The following WDR3 variants were observed in gnomAD, a reference collection of about 807,000 sequenced individuals.
The protein encoded by WDR3 is WD repeat-containing protein 3.
Under a neutral mutation model 123.7 loss-of-function variants are expected in WDR3, and 81 were observed. That is an observed-to-expected ratio of 0.65 (90% CI 0.55 to 0.79). The LOEUF (loss-of-function observed/expected upper bound fraction) is 0.79. Among genes scored for constraint, WDR3 ranks in the 30% least tolerant of loss-of-function variants. The pLI, the probability that WDR3 is intolerant of heterozygous loss-of-function variation, is 0.00. For missense variants in WDR3, 1,027 were observed against 1,123.2 expected, an observed-to-expected ratio of 0.91 and a Z score of 1.22; for synonymous variants, 390 against 388.8, an observed-to-expected ratio of 1.00 and a Z score of -0.04.
chr1:117,942,881 T>C (rs1054557473), intron 10 of WDR3, among the ~76,000 whole-genome samples: 19 of 149,288 alleles, frequency 1.3e-4, no homozygotes, highest in Non-Finnish European at 2.5e-4. Context: ...AACCAGGATC[T>C]GAGCCTAGTT....
intron 14 of WDR3, 30 bp downstream of exon 14, chr1:117,949,866 T>C: frequency 6.2e-7 from 1 of 1,612,504 alleles, no homozygotes; most frequent in South Asian, 1.1e-5. Context: ...GTCCATTTTT[T>C]GGAGTGAAAA....
Position 117,954,025 on chromosome 1 carries a change from G to C in WDR3, c.2287G>C (p.Ala763Pro). 6.2e-7 allele frequency: 1 copy of C among 1,611,762 alleles called. No homozygotes were observed. Among genetic ancestry groups the C allele is most frequent in the Non-Finnish European group, 8.5e-7 (1 of 1,178,632 alleles). Residue 763 changes from alanine (A) to proline (P), a missense_variant, in exon 22 of 27, where the codon GCT (alanine) becomes CCT (proline). Physicochemically the swap from Ala to Pro is conservative, Grantham distance 27. Transcript: ENST00000349139. Reference protein sequence around the residue: ...TVKAAERIMEAIELYREETAK... With the variant: ...TVKAAERIMEPIELYREETAK... ...TCTGTAGGCTGAGAGGATTATGGAGGCTATTGAGTTGTACCGAGAAGAAAC... is the reference window on the plus strand; with the variant it reads ...TCTGTAGGCTGAGAGGATTATGGAGCCTATTGAGTTGTACCGAGAAGAAAC...
chr1:117,957,516 T>C (rs563580656), intron 25 of WDR3, among the ~76,000 whole-genome samples: 2 of 152,362 alleles, frequency 1.3e-5, no homozygotes, highest in Admixed American at 1.3e-4. Flanking sequence ...AAGATAGCTC[T>C]GGTTCTAGTC....
chr1:117,954,200 A>C, intron 22 of WDR3, 101 bp downstream of exon 22: 1 of 966,220 alleles, frequency 1.0e-6, no homozygotes, highest in Non-Finnish European at 1.5e-6. Flanking sequence ...GATATGCAAT[A>C]AATGGAATAG....
Position 117,949,845 on chromosome 1 carries a change from ACATTTTTTGTGTC to A in WDR3, c.1610+19_1610+31del. The A allele has an allele frequency of 6.2e-7, 1 of 1,613,350 alleles. No homozygotes were observed. The highest frequency in any genetic ancestry group is 8.5e-7 in the Non-Finnish European group (1 of 1,179,684). On this transcript the variant is annotated intron_variant, in intron 14 of 26. Coordinates refer to ENST00000349139, the MANE Select transcript of WDR3 (RefSeq NM_006784.3). ...AATAGTACCCAAAAGAGGTGAGTAGACATTTTTTGTGTCCATTTTTTGGAGTGAAAATGGGGAG... is the reference window on the plus strand; with the variant it reads ...AATAGTACCCAAAAGAGGTGAGTAGACATTTTTTGGAGTGAAAATGGGGAG...
chr1:117,929,944 C>T (rs1650641662), intron 1 of WDR3, 162 bp downstream of exon 1: 1 of 152,384 alleles, frequency 6.6e-6, no homozygotes, highest in Non-Finnish European at 1.5e-5. Flanking sequence ...GGCGTCCCCA[C>T]AGCAGTACTT....
In WDR3 at chr1:117,964,185, G is replaced by T. The variant is rs1035667477; in HGVS notation, c.*4738G>T. The T allele has an allele frequency of 1.5e-5, 5 of 328,294 alleles. No homozygotes were observed. Among genetic ancestry groups the T allele is most frequent in the Non-Finnish European group, 2.8e-5 (5 of 176,078 alleles). 20.3% of individuals were successfully genotyped at this position (328,294 alleles called of 1,614,324 possible). ...CCTAACTGTGACTGGCTTTCTATAA[G>T]GAGCCATCAGTATGGTCAAGCCCCA... is the stretch of plus-strand genomic sequence containing the variant. On this transcript the variant is annotated 3_prime_UTR_variant, in exon 27 of 27. Coordinates refer to ENST00000349139, the MANE Select transcript of WDR3 (RefSeq NM_006784.3).
chr1:117,959,632 A>G lies in WDR3; in HGVS notation c.*185A>G, dbSNP rs2101333964. 1 of 539,608 alleles carries G rather than the reference A, an allele frequency of 1.9e-6. No individual in the cohort carries two copies. The highest frequency in any genetic ancestry group is 3.3e-5 in the East Asian group (1 of 30,328). 33.4% of individuals were successfully genotyped at this position (539,608 alleles called of 1,614,324 possible). A position where few individuals can be genotyped will look rare whatever the true frequency, so the allele number is the denominator to read the frequency against. On this transcript the variant is annotated 3_prime_UTR_variant, in exon 27 of 27. Coordinates refer to ENST00000349139, the MANE Select transcript of WDR3 (RefSeq NM_006784.3). The stretch of plus-strand genomic sequence containing the variant: ...CAACATGAGATTATGGGCTGGCTCC[A>G]TTTCTTGGACTTAAAATGCATTATT...
rs138766465 is a variant in WDR3, at chr1:117,943,549, T to C, written c.1251T>C (p.Asp417=). 6.2e-7 allele frequency: 1 copy of C among 1,614,058 alleles called. No homozygotes were observed. The highest frequency in any genetic ancestry group is 1.3e-5 in the African/African-American group (1 of 74,920). Residue 417 remains aspartate (D), a synonymous_variant, in exon 11 of 27, where the codon GAT becomes GAC. Coordinates refer to ENST00000349139, the MANE Select transcript of WDR3 (RefSeq NM_006784.3). ...SRITIGGHRS[D]VRTLSFSSDN... The stretch of plus-strand genomic sequence containing the variant: ...TCACTATTGGGGGTCATCGCAGTGA[T>C]GTGCGGACTTTGTCATTCAGCTCAG...
At chr1:117,946,737 C>A (rs1038790275) in intron 12 of WDR3, among the ~76,000 whole-genome samples, 1 of 151,726 alleles carries the variant, frequency 6.6e-6, no homozygotes, top group Non-Finnish European at 1.5e-5. Context: ...GTCAGGAGAT[C>A]GAGACCATCC....
At position 117,954,000 on chromosome 1, in the gene WDR3, T is replaced by C; in HGVS notation, c.2269-7T>C. 6.2e-7 allele frequency: 1 copy of C among 1,608,108 alleles called. No individual in the cohort carries two copies. Among genetic ancestry groups the C allele is most frequent in the Non-Finnish European group, 8.5e-7 (1 of 1,177,274 alleles). On this transcript the variant is annotated splice_region_variant and splice_polypyrimidine_tract_variant and intron_variant, in intron 21 of 26. Transcript: ENST00000349139. ...TGATGACTTCTTTCCTTTCTCATCC[T>C]CTGTAGGCTGAGAGGATTATGGAGG... is the stretch of plus-strand genomic sequence containing the variant.
Position 117,952,333 on chromosome 1 carries a change from C to A in WDR3, c.1941C>A (p.Leu647=), listed in dbSNP as rs1164790020. 6 of 1,613,216 alleles carry A rather than the reference C, an allele frequency of 3.7e-6. No homozygotes were observed. In the Admixed American group the frequency reaches 1.0e-4, roughly 27 times the overall value. The change falls in exon 18 of 27, where the codon CTC becomes CTA. Residue 647 remains leucine, a synonymous_variant. Coordinates refer to ENST00000349139, the MANE Select transcript of WDR3 (RefSeq NM_006784.3). ...TACAGTTTGTACCCAAGTCTCACCTCTTCTTCACTGCCGGAAAAGATCATA... is the reference window on the plus strand; with the variant it reads ...TACAGTTTGTACCCAAGTCTCACCTATTCTTCACTGCCGGAAAAGATCATA... ...MYLQFVPKSH[L]FFTAGKDHKI... is the part of the protein sequence containing the mutation.
intron 3 of WDR3, 130 bp downstream of exon 3, chr1:117,934,812 G>A: frequency 1.1e-6 from 1 of 887,034 alleles, no homozygotes; most frequent in Middle Eastern, 3.5e-4. Flanking sequence ...TAATGATAGA[G>A]TGAAGAGGAT....
chr1:117,949,912 T>C, intron 14 of WDR3, 76 bp downstream of exon 14: 1 of 1,610,002 alleles, frequency 6.2e-7, no homozygotes, highest in Admixed American at 1.7e-5. Flanking sequence ...ACGTCTTATA[T>C]CATTTGTTGT....
chr1:117,940,411 C>T (rs1651099269), intron 6 of WDR3, among the ~76,000 whole-genome samples: 1 of 152,072 alleles, frequency 6.6e-6, no homozygotes, highest in Admixed American at 6.6e-5. Flanking sequence ...AGAAAGATTT[C>T]TAAGTCTTCA....
chr1:117,933,543 G>A, intron 2 of WDR3, 53 bp downstream of exon 2: 1 of 1,607,050 alleles, frequency 6.2e-7, no homozygotes, highest in Non-Finnish European at 8.5e-7. Flanking sequence ...TGAGGATGGA[G>A]AGGTAGTAGA....
chr1:117,937,497 T>C (rs1650987751), intron 4 of WDR3, among the ~76,000 whole-genome samples: 1 of 152,202 alleles, frequency 6.6e-6, no homozygotes, highest in South Asian at 2.1e-4. Flanking sequence ...GAGCACTAAA[T>C]GCTTTACCAA....
In WDR3 at chr1:117,958,995, C is replaced by T. The variant is rs1224071689; in HGVS notation, c.2668C>T (p.Gln890Ter). Residue 890 changes from glutamine to a stop codon, truncating the protein, a stop_gained, in exon 26 of 27, where the codon CAA becomes TAA. Transcript: ENST00000349139. LOFTEE classifies it high-confidence loss of function. The part of the protein sequence containing the change: ...LRETTISKVS[Q>*]VRDVIGFNMA... ...GGAAACAACTATTTCAAAAGTCAGC[C>T]AAGTCCGGGTAAGTGTCTTTGTATA... 2 of 1,613,578 alleles carry T rather than the reference C, an allele frequency of 1.2e-6. No homozygotes were observed. The highest frequency in any genetic ancestry group is 1.7e-5 in the Admixed American group (1 of 59,964).
Position 117,956,317 on chromosome 1 carries a change from A to G in WDR3, c.2454-751A>G, listed in dbSNP as rs372663754. On this transcript the variant is annotated intron_variant, in intron 24 of 26. Transcript: ENST00000349139. ...GTCATACATTTTTGCAATAATTGTT[A>G]TATTATTTGTGATTTTCCTTTTGAT... 2.4e-4 allele frequency among the ~76,000 whole-genome samples: 37 copies of G among 152,248 alleles called. No individual in the cohort carries two copies. The East Asian group carries it at 5.6e-3, about 23-fold the overall frequency.
Sources: gnomAD v4.1 joint callset for allele counts (sites outside exome capture counted in the v4.1 genomes callset) on GRCh38, gnomAD v4.1.1 for gene constraint, MANE v1.5 for transcripts, NCBI Gene and HGNC (gene_info 2026-07-23, HGNC 2026-07-21) for gene names.